The following ASIC2 variants were observed in gnomAD, a reference collection of about 807,000 sequenced individuals.
ASIC2 encodes the protein acid-sensing ion channel 2.
Under a neutral mutation model 57.3 loss-of-function variants are expected in ASIC2, and 25 were observed. The observed-to-expected ratio is 0.44, with a 90% confidence interval of 0.32 to 0.61. The LOEUF (loss-of-function observed/expected upper bound fraction) is 0.61, where lower values mean the gene tolerates loss of function less well. Ranked by LOEUF, ASIC2 falls within the 20% of genes least tolerant of loss-of-function variation. The probability of loss-of-function intolerance (pLI) is 0.06; values close to 1 mark genes in which losing one functional copy is unlikely to be tolerated. For missense variants in ASIC2, 641 were observed against 738.1 expected (o/e 0.87, Z 1.52); for synonymous variants, 319 against 307.5 (o/e 1.04, Z -0.39).
intron 1 of ASIC2, among the ~76,000 whole-genome samples, chr17:33,185,702 T>G (rs1047357444): frequency 6.6e-6 from 1 of 152,178 alleles, no homozygotes; most frequent in African/African-American, 2.4e-5. Context: ...CCCTTCATTC[T>G]TCATGGAGTA....
chr17:33,996,494 T>C (rs925539712), intron 1 of ASIC2, among the ~76,000 whole-genome samples: 3 of 152,230 alleles, frequency 2.0e-5, no homozygotes, highest in Non-Finnish European at 4.4e-5. Context: ...AGTATCATTG[T>C]TTAAGTCTTT....
At chr17:33,137,073 C>T (rs1399897601) in intron 1 of ASIC2, among the ~76,000 whole-genome samples, 1 of 152,188 alleles carries the variant, frequency 6.6e-6, no homozygotes, top group Non-Finnish European at 1.5e-5. Flanking sequence ...ACATTTCTAA[C>T]AGTTATTGTT....
chr17:34,146,225 T>C (rs547377839), intron 1 of ASIC2, among the ~76,000 whole-genome samples: 1 of 152,030 alleles, frequency 6.6e-6, no homozygotes, highest in Non-Finnish European at 1.5e-5. Context: ...TATCGCCGTC[T>C]TGAGTTGAAA....
intron 1 of ASIC2, among the ~76,000 whole-genome samples, chr17:33,661,319 A>C (rs564483439): frequency 6.6e-6 from 1 of 152,358 alleles, no homozygotes; most frequent in East Asian, 1.9e-4. Flanking sequence ...TCAAGAAGGT[A>C]GTTCGTTTTG....
intron 1 of ASIC2, among the ~76,000 whole-genome samples, chr17:33,340,182 A>T (rs1357376979): frequency 6.6e-6 from 1 of 152,162 alleles, no homozygotes; most frequent in East Asian, 1.9e-4. Flanking sequence ...TGCTCTTGGT[A>T]TATTGTATTT....
chr17:34,132,666 G>A (rs1912022754), intron 1 of ASIC2, among the ~76,000 whole-genome samples: 1 of 152,146 alleles, frequency 6.6e-6, no homozygotes, highest in Admixed American at 6.5e-5. Context: ...CCTCTTGTAA[G>A]ACAGAAAAGT....
intron 1 of ASIC2, among the ~76,000 whole-genome samples, chr17:33,161,259 G>T (rs1230971707): frequency 6.6e-6 from 1 of 152,160 alleles, no homozygotes; most frequent in African/African-American, 2.4e-5. Context: ...TGTATGCCAG[G>T]CAGTGTGCTA....
chr17:34,076,850 G>A (rs1254077554), intron 1 of ASIC2, among the ~76,000 whole-genome samples: 2 of 152,174 alleles, frequency 1.3e-5, no homozygotes, highest in Non-Finnish European at 2.9e-5. Context: ...AGTGGGAAGG[G>A]CACAGAAGCA....
chr17:33,043,333 G>A (rs1372892451), intron 3 of ASIC2, among the ~76,000 whole-genome samples: 1 of 152,238 alleles, frequency 6.6e-6, no homozygotes, highest in Admixed American at 6.5e-5. Flanking sequence ...TACTGGCTGG[G>A]GGTCAGGGGA....
rs944847022 is a variant in ASIC2, at chr17:34,039,239, G to T, written c.555+116739C>A. ...AGTGCAGATATTTTTTCTATTGTGA[G>T]GTCGGACTGGGTCTGTCTGTGCTGG... is the stretch of plus-strand genomic sequence containing the variant. On this transcript the variant is annotated intron_variant, in intron 1 of 9. Coordinates refer to the ASIC2 transcript ENST00000359872. 1.6e-5 allele frequency: 26 copies of T among 1,613,830 alleles called. No homozygotes were observed. In the East Asian group the frequency reaches 1.8e-4, roughly 11 times the overall value.
intron 1 of ASIC2, among the ~76,000 whole-genome samples, chr17:34,045,295 A>G (rs1908294908): frequency 6.6e-6 from 1 of 152,200 alleles, no homozygotes; most frequent in South Asian, 2.1e-4. Flanking sequence ...AATACTACCC[A>G]TGGGCAATGT....
intron 1 of ASIC2, among the ~76,000 whole-genome samples, chr17:33,273,389 T>C (rs1388664890): frequency 1.3e-5 from 2 of 152,196 alleles, no homozygotes; most frequent in Non-Finnish European, 2.9e-5. Flanking sequence ...AGCAATCCCC[T>C]GATATAGGGT....
chr17:34,050,812 G>C (rs1908528245), intron 1 of ASIC2, among the ~76,000 whole-genome samples: 1 of 152,156 alleles, frequency 6.6e-6, no homozygotes, highest in Admixed American at 6.5e-5. Flanking sequence ...GCACTCAGAG[G>C]AAGACAAAAG....
chr17:33,883,552 G>A (rs1914755077), intron 1 of ASIC2, among the ~76,000 whole-genome samples: 1 of 152,120 alleles, frequency 6.6e-6, no homozygotes, highest in Admixed American at 6.6e-5. Context: ...CCTGTCTTGA[G>A]CCACACTCCC....
intron 1 of ASIC2, among the ~76,000 whole-genome samples, chr17:33,702,365 G>A (rs1242490042): frequency 1.3e-5 from 2 of 152,314 alleles, no homozygotes; most frequent in East Asian, 3.9e-4. Context: ...TTTTAAGGCA[G>A]GAGGAGGCTT....
intron 3 of ASIC2, among the ~76,000 whole-genome samples, chr17:33,043,505 TG>T (rs2091937959): frequency 6.6e-6 from 1 of 152,294 alleles, no homozygotes; most frequent in South Asian, 2.1e-4. Context: ...CCTCCAATCC[TG>T]GGCATATGGC....
intron 1 of ASIC2, among the ~76,000 whole-genome samples, chr17:33,735,598 G>GAC: frequency 6.6e-6 from 1 of 152,260 alleles, no homozygotes; most frequent in East Asian, 1.9e-4. Flanking sequence ...TCTTAATCAG[G>GAC]CAAAGACCCA....
chr17:33,874,451 GTGTTCT>G (rs1220323631), intron 1 of ASIC2, among the ~76,000 whole-genome samples: 1 of 152,098 alleles, frequency 6.6e-6, no homozygotes, highest in Non-Finnish European at 1.5e-5. Flanking sequence ...ATTTAACTGG[GTGTTCT>G]GTATTTTCAT....
chr17:33,430,931 A>G (rs1446674968), intron 1 of ASIC2, among the ~76,000 whole-genome samples: 1 of 152,174 alleles, frequency 6.6e-6, no homozygotes, highest in Non-Finnish European at 1.5e-5. Flanking sequence ...CTGGGTAATG[A>G]GGTATCCCCA....
Sources: allele counts gnomAD v4.1 joint callset (sites outside exome capture counted in the v4.1 genomes callset), GRCh38; gene constraint gnomAD v4.1.1; transcripts MANE v1.5; gene names NCBI Gene and HGNC (gene_info 2026-07-23, HGNC 2026-07-21).